Variants in ZNF451 observed in about 807,000 individuals in gnomAD.
ZNF451 encodes zinc finger protein 451, also known as E3 SUMO-protein ligase ZNF451.
A neutral mutation model predicts 107.1 loss-of-function variants in ZNF451; 80 were observed. The observed-to-expected ratio is 0.75, with a 90% CI of 0.62 to 0.90. ZNF451 has a LOEUF of 0.90. Among genes scored for constraint, ZNF451 ranks in the 40% least tolerant of loss-of-function variants. ZNF451 has a pLI of 0.00. For missense variants in ZNF451, 1,107 were observed against 1,236.2 expected (o/e 0.90, Z 1.57); for synonymous variants, 362 against 406.5 (o/e 0.89, Z 1.32).
intron 13 of ZNF451, 24 bp from the exon 14 acceptor site, chr6:57,161,060 G>A: frequency 1.4e-6 from 2 of 1,468,496 alleles, no homozygotes; most frequent in Non-Finnish European, 1.8e-6. Flanking sequence ...CACAATAACT[G>A]CATGTATTGA....
In ZNF451 at chr6:57,153,801, T is replaced by A. The variant is rs1437203505; in HGVS notation, c.2884-60T>A. On this transcript the variant is annotated intron_variant, in intron 12 of 14. Transcript: ENST00000370706. The stretch of plus-strand genomic sequence containing the variant: ...GCATGTGTTCATTCTGAAATAGATG[T>A]AACTTGTTTTGAAACTCATGCTGAT... The A allele has an allele frequency of 4.5e-6, 7 of 1,543,882 alleles. No homozygotes were observed. The African/African-American group carries it at 9.6e-5, about 21-fold the overall frequency.
chr6:57,117,366 C>T (rs1830423970), intron 3 of ZNF451, among the ~76,000 whole-genome samples: 1 of 150,186 alleles, frequency 6.7e-6, no homozygotes, highest in Admixed American at 6.6e-5. Flanking sequence ...GGAAGCTCAA[C>T]TTGTAGTTAA....
chr6:57,138,731 A>ATGTGTGTGTGTGTG (rs1298715865), intron 7 of ZNF451, among the ~76,000 whole-genome samples: 7 of 113,256 alleles, frequency 6.2e-5, no homozygotes, highest in Non-Finnish European at 9.1e-5. Flanking sequence ...ATATATATAT[A>ATGTGTGTGTGTGTG]TATATATATA....
At chr6:57,142,470 A>G (rs1272154156) in intron 9 of ZNF451, among the ~76,000 whole-genome samples, 1 of 152,188 alleles carries the variant, frequency 6.6e-6, no homozygotes, top group African/African-American at 2.4e-5. Flanking sequence ...AGTAACCAAG[A>G]AAGAGTCCAG....
At chr6:57,145,214 T>C (rs535914936) in intron 9 of ZNF451, among the ~76,000 whole-genome samples, 153 of 152,294 alleles carry the variant, frequency 1.0e-3, no homozygotes, top group African/African-American at 3.6e-3. Flanking sequence ...ATTTGTGGAA[T>C]AGTATGTGGT....
At chr6:57,138,115 T>G (rs908116621) in intron 7 of ZNF451, among the ~76,000 whole-genome samples, 2 of 152,188 alleles carry the variant, frequency 1.3e-5, no homozygotes, top group Non-Finnish European at 1.5e-5. Context: ...ACGAGTTAAA[T>G]TGCTAGGTCA....
chr6:57,162,362 G>A (rs1763706248), intron 14 of ZNF451, among the ~76,000 whole-genome samples: 1 of 152,182 alleles, frequency 6.6e-6, no homozygotes, highest in African/African-American at 2.4e-5. Flanking sequence ...AATGGAGTCT[G>A]GCAGTGGAAT....
At chr6:57,106,611 ATTTTTTT>A in intron 3 of ZNF451, 4 of 949,162 alleles carry the variant, frequency 4.2e-6, no homozygotes, top group Non-Finnish European at 2.5e-6. Context: ...TGGCTGTGAA[ATTTTTTT>A]TTTTTTTTTT....
At chr6:57,101,556 C>G in intron 3 of ZNF451, 2 of 1,550,918 alleles carry the variant, frequency 1.3e-6, no homozygotes, top group Non-Finnish European at 1.7e-6. Flanking sequence ...GGTTTTACCA[C>G]GCTGCCTCCA....
Position 57,133,111 on chromosome 6 carries a change from C to G in ZNF451, c.494C>G (p.Ser165Cys). 5 of 1,614,114 alleles carry G rather than the reference C, an allele frequency of 3.1e-6. No homozygotes were observed. Among genetic ancestry groups the G allele is most frequent in the Non-Finnish European group, 4.2e-6 (5 of 1,180,004 alleles). Residue 165 changes from serine to cysteine, a missense_variant, in exon 6 of 15, where the codon TCT (serine) becomes TGT (cysteine). Ser to Cys is a moderately radical substitution (Grantham distance 112). Around this residue, in one of 5 missense-constraint regions of ZNF451, gnomAD observed 339 missense variants for 372.8 expected, o/e 0.91. Coordinates refer to ENST00000370706, the MANE Select transcript of ZNF451 (RefSeq NM_001031623.3). ...CGAAGAGGAGGCCACACGTGGGTGT[C>G]TGGGAAACCAATTTTATGTCCTATA... ...SFRRGGHTWV[S>C]GKPILCPIMH...
chr6:57,131,464 A>G (rs1232944087), intron 5 of ZNF451, among the ~76,000 whole-genome samples: 2 of 152,188 alleles, frequency 1.3e-5, no homozygotes, highest in Non-Finnish European at 2.9e-5. Flanking sequence ...GTGGGTGGAC[A>G]ATTATAACAG....
intron 14 of ZNF451, among the ~76,000 whole-genome samples, chr6:57,168,176 C>T (rs1341910231): frequency 6.6e-6 from 1 of 152,142 alleles, no homozygotes; most frequent in African/African-American, 2.4e-5. Flanking sequence ...TGACTTTCTA[C>T]ATTCCTAAGT....
intron 3 of ZNF451, chr6:57,106,347 T>A: frequency 1.0e-6 from 1 of 970,618 alleles, no homozygotes; most frequent in Non-Finnish European, 1.2e-6. Context: ...TTCGCTCTTG[T>A]TGCCCAGGCT....
chr6:57,128,812 G>A lies in ZNF451; in HGVS notation c.396G>A (p.Leu132=). The A allele has an allele frequency of 1.2e-6, 2 of 1,612,720 alleles. No homozygotes were observed. Among genetic ancestry groups the A allele is most frequent in the Non-Finnish European group, 8.5e-7 (1 of 1,179,236 alleles). Residue 132 remains leucine (L), a synonymous_variant, in exon 5 of 15, where the codon CTG becomes CTA. Coordinates refer to ENST00000370706, the MANE Select transcript of ZNF451 (RefSeq NM_001031623.3). ...RGHSDTEAAR[L]CVDQWLKMPG... Reference sequence around the variant, plus strand: ...ATTCTGATACAGAAGCAGCAAGACTGTGTGTGGACCAGTGGCTAAAAATGC... The same window carrying A: ...ATTCTGATACAGAAGCAGCAAGACTATGTGTGGACCAGTGGCTAAAAATGC...
intron 3 of ZNF451, chr6:57,101,819 A>G (rs1202229230): frequency 1.3e-6 from 2 of 1,550,584 alleles, no homozygotes; most frequent in Admixed American, 2.0e-5. Flanking sequence ...TCTCTCACTA[A>G]GAAAACCCAG....
At chr6:57,102,888 A>G in intron 3 of ZNF451, 1 of 985,470 alleles carries the variant, frequency 1.0e-6, no homozygotes, top group Non-Finnish European at 1.2e-6. Context: ...ATGTGAGAGA[A>G]TTGTTTGTTG....
chr6:57,167,016 A>C (rs1414744047), intron 14 of ZNF451, among the ~76,000 whole-genome samples: 1 of 152,194 alleles, frequency 6.6e-6, no homozygotes, highest in Admixed American at 6.5e-5. Context: ...ATATCTTTGT[A>C]TAGATGTTGC....
intron 10 of ZNF451, among the ~76,000 whole-genome samples, chr6:57,149,322 T>C (rs1199661515): frequency 6.6e-6 from 1 of 152,242 alleles, no homozygotes; most frequent in Non-Finnish European, 1.5e-5. Flanking sequence ...GCAGGTGTTA[T>C]GTTTTTATTT....
Position 57,148,432 on chromosome 6 carries a change from G to A in ZNF451, c.2347G>A (p.Glu783Lys), listed in dbSNP as rs548274283. ...HQVHKEKSDE[E>K]EQQYVIKCGT... is the part of the protein sequence containing the mutation. ...AGTGCACAAAGAAAAGAGTGATGAG[G>A]AGGAGCAGCAGTATGTAATCAAGTG... is the stretch of plus-strand genomic sequence containing the variant. Residue 783 changes from glutamate to lysine, a missense_variant, in exon 10 of 15, where the codon GAG becomes AAG. Glu to Lys is a moderately conservative substitution (Grantham distance 56). Around this residue, in one of 5 missense-constraint regions of ZNF451, gnomAD observed 608 missense variants for 649.2 expected, o/e 0.94. Transcript: ENST00000370706. The A allele has an allele frequency of 6.2e-7, 1 of 1,613,920 alleles. No individual in the cohort carries two copies. Among genetic ancestry groups the A allele is most frequent in the Non-Finnish European group, 8.5e-7 (1 of 1,179,922 alleles).
Sources: gnomAD v4.1 joint callset for allele counts (sites outside exome capture counted in the v4.1 genomes callset) on GRCh38, gnomAD v4.1.1 for gene constraint, gnomAD v4.1.1 regional missense constraint, MANE v1.5 for transcripts, NCBI Gene and HGNC (gene_info 2026-07-23, HGNC 2026-07-21) for gene names.